The following PLEKHA7 variants were observed in gnomAD, a reference collection of about 807,000 sequenced individuals.
PLEKHA7 encodes pleckstrin homology domain-containing family A member 7.
In PLEKHA7, 104 loss-of-function variants were observed where a neutral mutation model predicts 170.0. That is an observed-to-expected ratio of 0.61 (90% CI 0.52 to 0.72). The LOEUF (loss-of-function observed/expected upper bound fraction) is 0.72. Among genes scored for constraint, PLEKHA7 ranks in the 30% least tolerant of loss-of-function variants. PLEKHA7 has a pLI of 0.00. For synonymous variants in PLEKHA7, 648 were observed against 660.8 expected, an observed-to-expected ratio of 0.98 and a Z score of 0.30; for missense variants, 1,615 against 1,671.7, an observed-to-expected ratio of 0.97 and a Z score of 0.59.
chr11:16,893,458 C>T (rs1171808981), intron 3 of PLEKHA7, among the ~76,000 whole-genome samples: 1 of 152,074 alleles, frequency 6.6e-6, no homozygotes, highest in African/African-American at 2.4e-5. Context: ...GCTCTGACAC[C>T]CTGGTGCTGC....
chr11:16,809,264 C>CA (rs1849196456), intron 13 of PLEKHA7, among the ~76,000 whole-genome samples: 1 of 152,140 alleles, frequency 6.6e-6, no homozygotes, highest in Admixed American at 6.5e-5. Flanking sequence ...AACGTGGGCC[C>CA]ACAAGCACCC....
intron 4 of PLEKHA7, among the ~76,000 whole-genome samples, chr11:16,861,363 T>A (rs1410135485): frequency 2.8e-5 from 4 of 145,114 alleles, no homozygotes; most frequent in African/African-American, 7.7e-5. Flanking sequence ...CTATTAAAAT[T>A]AAAAAAAAAA....
chr11:16,992,108 C>G (rs1478287120), intron 3 of PLEKHA7, among the ~76,000 whole-genome samples: 2 of 152,066 alleles, frequency 1.3e-5, no homozygotes, highest in Admixed American at 1.3e-4. Flanking sequence ...GGTCTGGGAG[C>G]TGCGTCTCTG....
At chr11:16,910,960 C>G (rs187046617) in intron 3 of PLEKHA7, among the ~76,000 whole-genome samples, 29 of 152,310 alleles carry the variant, frequency 1.9e-4, no homozygotes, top group Non-Finnish European at 3.4e-4. Flanking sequence ...TGTCACATTT[C>G]CCGACTGTAA....
At chr11:16,856,364 C>CGTTG (rs1280620196) in intron 4 of PLEKHA7, among the ~76,000 whole-genome samples, 2 of 152,208 alleles carry the variant, frequency 1.3e-5, no homozygotes, top group African/African-American at 4.8e-5. Flanking sequence ...CACTTGCGCA[C>CGTTG]ACAACCACAC....
chr11:16,786,262 C>G lies in PLEKHA7; in HGVS notation c.3483G>C (p.Glu1161Asp). The change falls in exon 24 of 27, where the codon GAG (glutamate) becomes GAC (aspartate). Residue 1161 changes from glutamate (E) to aspartate (D), a missense_variant. Transcript: ENST00000531066. ...QAMPVTELDL[E>D]PQDYDLDISR... The stretch of plus-strand genomic sequence containing the variant: ...TGATGTCCAAGTCATAGTCTTGAGG[C>G]TCCAGGTCCAACTCAGTGACAGGCA... 1 of 1,536,186 alleles carries G rather than the reference C, an allele frequency of 6.5e-7. No homozygotes were observed. The highest frequency in any genetic ancestry group is 8.7e-7 in the Non-Finnish European group (1 of 1,146,920).
intron 8 of PLEKHA7, among the ~76,000 whole-genome samples, chr11:16,847,920 A>C (rs1852589142): frequency 6.6e-6 from 1 of 152,106 alleles, no homozygotes; most frequent in South Asian, 2.1e-4. Context: ...GTAGGAATAC[A>C]ACCTGAACAA....
chr11:16,833,867 A>G (rs1002803821), intron 9 of PLEKHA7, among the ~76,000 whole-genome samples: 12 of 152,174 alleles, frequency 7.9e-5, no homozygotes, highest in African/African-American at 2.9e-4. Flanking sequence ...CCACAGAGCT[A>G]GAGACATTTT....
In PLEKHA7 at chr11:16,778,923, G is replaced by C; in HGVS notation, c.*75C>G. On this transcript the variant is annotated 3_prime_UTR_variant, in exon 27 of 27. Transcript: ENST00000531066. The stretch of plus-strand genomic sequence containing the variant: ...TGCTCAGCTGGAAGGGGTTTCCTTG[G>C]GGGCAGAAAGGTCATCTCCTTGGAG... The C allele has an allele frequency of 1.4e-6, 1 of 702,292 alleles. No homozygotes were observed. Among genetic ancestry groups the C allele is most frequent in the East Asian group, 2.7e-5 (1 of 37,266 alleles). The allele number at this position is 702,292 out of a possible 1,614,324, so 43.5% of individuals were successfully genotyped here.
chr11:16,858,852 TTTAAC>T (rs1349379368), intron 4 of PLEKHA7, among the ~76,000 whole-genome samples: 1 of 152,140 alleles, frequency 6.6e-6, no homozygotes, highest in Non-Finnish European at 1.5e-5. Flanking sequence ...AATCTTGACA[TTTAAC>T]TTGACACCCC....
At chr11:17,008,392 C>T (rs895975502) in intron 3 of PLEKHA7, among the ~76,000 whole-genome samples, 5 of 152,264 alleles carry the variant, frequency 3.3e-5, no homozygotes, top group Admixed American at 6.5e-5. Flanking sequence ...CAGAGGAGGC[C>T]GTTTGAGCCT....
chr11:16,996,831 G>A (rs529139833), intron 3 of PLEKHA7, among the ~76,000 whole-genome samples: 1 of 152,218 alleles, frequency 6.6e-6, no homozygotes, highest in South Asian at 2.1e-4. Flanking sequence ...AGCTACTCAG[G>A]AGGCTGAGGC....
At chr11:16,911,907 CTTAA>C (rs2136162269) in intron 3 of PLEKHA7, among the ~76,000 whole-genome samples, 1 of 152,266 alleles carries the variant, frequency 6.6e-6, no homozygotes, top group African/African-American at 2.4e-5. Flanking sequence ...ACGGCACCTG[CTTAA>C]TTACCAAGCA....
intron 3 of PLEKHA7, among the ~76,000 whole-genome samples, chr11:17,007,521 A>G (rs1018702963): frequency 2.0e-5 from 3 of 151,554 alleles, no homozygotes; most frequent in African/African-American, 7.3e-5. Context: ...ATGACAAGTC[A>G]AGGGAAAAAC....
At chr11:16,959,817 C>T (rs1327539466) in intron 3 of PLEKHA7, among the ~76,000 whole-genome samples, 2 of 152,198 alleles carry the variant, frequency 1.3e-5, no homozygotes, top group African/African-American at 4.8e-5. Context: ...ATAAAACCTG[C>T]TTCTGGAGGG....
At chr11:16,846,242 G>A (rs558973397) in intron 8 of PLEKHA7, among the ~76,000 whole-genome samples, 7 of 151,894 alleles carry the variant, frequency 4.6e-5, no homozygotes, top group African/African-American at 1.7e-4. Context: ...TGGAGATCAC[G>A]CGACTACACT....
intron 3 of PLEKHA7, among the ~76,000 whole-genome samples, chr11:16,931,042 A>G (rs1859886147): frequency 1.3e-5 from 2 of 152,250 alleles, no homozygotes; most frequent in Admixed American, 1.3e-4. Flanking sequence ...CTCCATGGCC[A>G]GAGACCAAAA....
At chr11:16,924,842 T>C (rs985969141) in intron 3 of PLEKHA7, among the ~76,000 whole-genome samples, 5 of 152,228 alleles carry the variant, frequency 3.3e-5, no homozygotes, top group Non-Finnish European at 5.9e-5. Flanking sequence ...ACCTAGGAGC[T>C]TGCCGGCGTT....
chr11:16,994,664 A>C lies in PLEKHA7; in HGVS notation c.221+19325T>G, dbSNP rs566001784. 1.2e-4 allele frequency among the ~76,000 whole-genome samples: 18 copies of C among 152,200 alleles called. No homozygotes were observed. In the South Asian group the frequency reaches 3.5e-3, roughly 30 times the overall value. On this transcript the variant is annotated intron_variant, in intron 3 of 26. Coordinates refer to ENST00000531066, the MANE Select transcript of PLEKHA7 (RefSeq NM_001329630.2). ...GGATCCTCTCTTCCAGTGTCCTAGA[A>C]CACGACAGGCTCTCCTGGTTCTGCC...
Sources: gnomAD v4.1 joint callset for allele counts (sites outside exome capture counted in the v4.1 genomes callset) on GRCh38, gnomAD v4.1.1 for gene constraint, MANE v1.5 for transcripts, NCBI Gene and HGNC (gene_info 2026-07-23, HGNC 2026-07-21) for gene names.